Variants in MECOM observed in about 807,000 individuals in gnomAD.
MECOM encodes the protein MDS1 and EVI1 complex locus.
Under a neutral mutation model 116.3 loss-of-function variants are expected in MECOM, and 13 were observed. That is an observed-to-expected ratio of 0.11 (90% CI 0.07 to 0.18). The LOEUF is 0.18. MECOM is among the 10% of genes least tolerant of loss of function. The pLI is 1.00. For missense variants in MECOM, 1,299 were observed against 1,509.0 expected (o/e 0.86, Z 2.31); for synonymous variants, 528 against 535.2 (o/e 0.99, Z 0.19).
chr3:169,438,044 T>C (rs534394738), intron 1 of MECOM, among the ~76,000 whole-genome samples: 1 of 152,332 alleles, frequency 6.6e-6, no homozygotes, highest in South Asian at 2.1e-4. Flanking sequence ...ATGAGGTAGA[T>C]ATGACTCTCA....
intron 1 of MECOM, among the ~76,000 whole-genome samples, chr3:169,589,763 C>T (rs1157392327): frequency 2.0e-5 from 3 of 152,150 alleles, no homozygotes; most frequent in Non-Finnish European, 4.4e-5. Flanking sequence ...ACTGCAATTC[C>T]GACTCACATA....
intron 2 of MECOM, among the ~76,000 whole-genome samples, chr3:169,167,041 C>T (rs71306625): frequency 0.097 from 14,832 of 152,154 alleles, 937 homozygotes; most frequent in Non-Finnish European, 0.14. Context: ...GTGGTACAAT[C>T]ATGGCATACT....
intron 2 of MECOM, among the ~76,000 whole-genome samples, chr3:169,214,340 T>C (rs866558609): frequency 6.6e-6 from 1 of 151,740 alleles, no homozygotes; most frequent in Non-Finnish European, 1.5e-5. Flanking sequence ...TTTAATTATA[T>C]GATCAGGTTT....
intron 2 of MECOM, among the ~76,000 whole-genome samples, chr3:169,362,282 A>C (rs369952758): frequency 2.0e-5 from 3 of 151,970 alleles, no homozygotes; most frequent in East Asian, 3.9e-4. Context: ...ATGTCCATAA[A>C]GATGAAAAGA....
At chr3:169,317,146 T>C (rs1177419889) in intron 2 of MECOM, among the ~76,000 whole-genome samples, 1 of 152,208 alleles carries the variant, frequency 6.6e-6, no homozygotes, top group African/African-American at 2.4e-5. Context: ...ATCAGCAATA[T>C]TACTGGCTTA....
Position 169,545,003 on chromosome 3 carries a change from G to A in MECOM, c.37+118333C>T, listed in dbSNP as rs11917043. 1.4e-3 allele frequency among the ~76,000 whole-genome samples: 219 copies of A among 152,110 alleles called. 1 individual carries two copies. The highest frequency in any genetic ancestry group is 5.1e-3 in the African/African-American group (212 of 41,460). ...GTATACCTATGTAACAAACCTGCACGTTCTGCACATGTATCCTGGAACTTA... is the reference window on the plus strand; with the variant it reads ...GTATACCTATGTAACAAACCTGCACATTCTGCACATGTATCCTGGAACTTA... On this transcript the variant is annotated intron_variant, in intron 1 of 16. Transcript: ENST00000651503.
chr3:169,347,544 G>C (rs969211020), intron 2 of MECOM, among the ~76,000 whole-genome samples: 1 of 151,934 alleles, frequency 6.6e-6, no homozygotes, highest in South Asian at 2.1e-4. Flanking sequence ...ATATGCATGT[G>C]TTTCTTTCAT....
chr3:169,567,631 G>A (rs1460536622), intron 1 of MECOM, among the ~76,000 whole-genome samples: 2 of 152,156 alleles, frequency 1.3e-5, no homozygotes, highest in Non-Finnish European at 2.9e-5. Flanking sequence ...GTAAAATCAA[G>A]CCAGATGATG....
intron 1 of MECOM, among the ~76,000 whole-genome samples, chr3:169,414,073 C>T (rs941326207): frequency 1.3e-5 from 2 of 152,200 alleles, no homozygotes; most frequent in South Asian, 2.1e-4. Context: ...GGGTCCCAGA[C>T]CCCCGTGCCT....
At position 169,556,918 on chromosome 3, in the gene MECOM, A is replaced by G. The variant is rs1016708169; in HGVS notation, c.37+106418T>C. Among the ~76,000 whole-genome samples the G allele has an allele frequency of 7.2e-5, 11 of 152,298 alleles. No homozygotes were observed. The South Asian group carries it at 1.7e-3, about 23-fold the overall frequency. ...TCCTGACCCGTAGAATCTAAAAAAT[A>G]AAAAATAAAAAATTTTATTGTTTAA... On this transcript the variant is annotated intron_variant, in intron 1 of 16. Coordinates refer to ENST00000651503, the MANE Select transcript of MECOM (RefSeq NM_004991.4).
chr3:169,386,686 T>C (rs960484194), intron 1 of MECOM, among the ~76,000 whole-genome samples: 6 of 152,142 alleles, frequency 3.9e-5, no homozygotes. Context: ...ATAAATATCA[T>C]GAAAATGAGC....
At chr3:169,145,658 C>T (rs1340769830) in intron 2 of MECOM, 2 of 224,358 alleles carry the variant, frequency 8.9e-6, no homozygotes, top group Non-Finnish European at 1.8e-5. Context: ...TGCAGAGAGA[C>T]GTGGAAAACT....
chr3:169,128,192 G>A, intron 4 of MECOM, 132 bp from the exon 5 acceptor site: 1 of 761,670 alleles, frequency 1.3e-6, no homozygotes, highest in South Asian at 1.7e-5. Context: ...ATTTTAATCT[G>A]GATTAGAAAT....
At chr3:169,118,788 G>A (rs1156829061) in intron 7 of MECOM, among the ~76,000 whole-genome samples, 2 of 152,008 alleles carry the variant, frequency 1.3e-5, no homozygotes, top group African/African-American at 2.4e-5. Flanking sequence ...CTTTTCTGGT[G>A]GCACCCGTTG....
At chr3:169,524,368 C>G (rs150778390) in intron 1 of MECOM, among the ~76,000 whole-genome samples, 187 of 152,206 alleles carry the variant, frequency 1.2e-3, no homozygotes, top group Non-Finnish European at 2.1e-3. Flanking sequence ...GCAGAGGACT[C>G]TGTCAATCAC....
intron 2 of MECOM, among the ~76,000 whole-genome samples, chr3:169,294,040 T>C (rs951628386): frequency 5.9e-5 from 9 of 152,360 alleles, no homozygotes; most frequent in African/African-American, 2.2e-4. Context: ...CATTACTGCA[T>C]GTAGGTTATA....
intron 1 of MECOM, among the ~76,000 whole-genome samples, chr3:169,595,505 G>C (rs1179920103): frequency 6.6e-6 from 1 of 152,090 alleles, no homozygotes; most frequent in Admixed American, 6.5e-5. Context: ...AAAACTTGCA[G>C]AATTTCATTA....
rs1776611392 is a variant in MECOM at position 169,663,519 on chromosome 3, TCTCTCTCTCTCC to T, written c.-159_-148del. 2.3e-5 allele frequency: 14 copies of T among 601,918 alleles called. No homozygotes were observed. Among genetic ancestry groups the T allele is most frequent in the South Asian group, 6.0e-5 (3 of 49,850 alleles). 37.3% of individuals were successfully genotyped at this position (601,918 alleles called of 1,614,324 possible). ...CTCTCTCTCTCTCTCTCTCTCTCTC[TCTCTCTCTCTCC>T]CTCCCTCCTGTTTCTCTCCTGTTTC... On this transcript the variant is annotated 5_prime_UTR_variant, in exon 1 of 17. Coordinates refer to ENST00000651503, the MANE Select transcript of MECOM (RefSeq NM_004991.4).
At chr3:169,181,841 C>T (rs1424051793) in intron 2 of MECOM, among the ~76,000 whole-genome samples, 1 of 152,178 alleles carries the variant, frequency 6.6e-6, no homozygotes, top group East Asian at 1.9e-4. Flanking sequence ...CAACTCCCTG[C>T]TTCTGTGACC....
Sources: allele counts gnomAD v4.1 joint callset (sites outside exome capture counted in the v4.1 genomes callset), GRCh38; gene constraint gnomAD v4.1.1; transcripts MANE v1.5; gene names NCBI Gene and HGNC (gene_info 2026-07-23, HGNC 2026-07-21).